Variants in SQLE observed in about 807,000 individuals in gnomAD.
SQLE encodes squalene monooxygenase.
Under a neutral mutation model 60.7 loss-of-function variants are expected in SQLE, and 29 were observed. The observed-to-expected ratio is 0.48, with a 90% CI of 0.36 to 0.65. The LOEUF (loss-of-function observed/expected upper bound fraction) is 0.65. Ranked by LOEUF, SQLE falls within the 30% of genes least tolerant of loss-of-function variation. The pLI is 0.00. For missense variants in SQLE, 605 were observed against 684.1 expected (o/e 0.88, Z 1.29); for synonymous variants, 237 against 246.8 (o/e 0.96, Z 0.37).
rs778016052 is a variant in SQLE at position 125,018,670 on chromosome 8, T to G, written c.1387T>G (p.Ser463Ala). 1.2e-6 allele frequency: 2 copies of G among 1,606,934 alleles called. No homozygotes were observed. Among genetic ancestry groups the G allele is most frequent in the East Asian group, 4.5e-5 (2 of 44,736 alleles). The change falls in exon 9 of 11, where the codon TCC (serine) becomes GCC (alanine). Residue 463 changes from serine (S) to alanine (A), a missense_variant. By Grantham distance (99) the Ser-to-Ala change is moderately conservative. Coordinates refer to ENST00000265896, the MANE Select transcript of SQLE (RefSeq NM_003129.4). Reference sequence around the variant, plus strand: ...TTACTGGGCAAGAAAAACATCTCATTCCTTTGTCGTGAATATCCTTGCTCA... The same window carrying G: ...TTACTGGGCAAGAAAAACATCTCATGCCTTTGTCGTGAATATCCTTGCTCA... Reference protein sequence around the residue: ...SFYWARKTSHSFVVNILAQAL... With the variant: ...SFYWARKTSHAFVVNILAQAL...
At chr8:125,014,074 A>G (rs1156713) in intron 7 of SQLE, among the ~76,000 whole-genome samples, 58,298 of 151,976 alleles carry the variant, frequency 0.38, 13,187 homozygotes, top group African/African-American at 0.62. Context: ...AGGAAAGTCT[A>G]GTAAAACATA....
chr8:125,005,425 G>A, intron 2 of SQLE, 100 bp from the exon 3 acceptor site: 1 of 1,075,490 alleles, frequency 9.3e-7, no homozygotes, highest in Non-Finnish European at 1.3e-6. Context: ...AGATTTGAAG[G>A]CAGAGACTCA....
intron 6 of SQLE, among the ~76,000 whole-genome samples, chr8:125,009,793 C>CAA (rs924370701): frequency 8.7e-6 from 1 of 115,310 alleles, no homozygotes. Context: ...AACTCCGTCT[C>CAA]AAAAAAAAAA....
chr8:125,011,739 C>G, intron 7 of SQLE, 107 bp downstream of exon 7: 1 of 989,116 alleles, frequency 1.0e-6, no homozygotes, highest in Admixed American at 2.3e-5. Context: ...TAGTTTGTCA[C>G]TGTGGATTAG....
chr8:125,018,832 A>C, intron 9 of SQLE, 105 bp downstream of exon 9: 1 of 764,474 alleles, frequency 1.3e-6, no homozygotes, highest in Non-Finnish European at 2.1e-6. Flanking sequence ...ATGTTACCTG[A>C]GTTTGCTAAC....
Position 125,021,955 on chromosome 8 carries a change from G to A in SQLE, c.*10G>A, listed in dbSNP as rs760927090. 3 of 1,565,516 alleles carry A rather than the reference G, an allele frequency of 1.9e-6. No individual in the cohort carries two copies. In the East Asian group the frequency reaches 6.8e-5, roughly 36 times the overall value. ...GTATATGGTTCATTAAGCTTAAAGGGGAACCATTTGTGAATGAATATTTGG... is the reference window on the plus strand; with the variant it reads ...GTATATGGTTCATTAAGCTTAAAGGAGAACCATTTGTGAATGAATATTTGG... On this transcript the variant is annotated 3_prime_UTR_variant, in exon 11 of 11. Transcript: ENST00000265896.
chr8:125,002,628 G>T (rs1296670648), intron 1 of SQLE, among the ~76,000 whole-genome samples: 1 of 152,180 alleles, frequency 6.6e-6, no homozygotes, highest in African/African-American at 2.4e-5. Context: ...AGTGATCCGA[G>T]ATTGCGCCAT....
At chr8:125,001,449 G>GGT (rs57946751) in intron 1 of SQLE, among the ~76,000 whole-genome samples, 32,849 of 136,786 alleles carry the variant, frequency 0.24, 3,669 homozygotes, top group Non-Finnish European at 0.26. Context: ...CTCCTTTCAG[G>GGT]GTGTGTGTGT....
chr8:125,005,550 G>T lies in SQLE; in HGVS notation c.570G>T (p.Gln190His). 6.2e-7 allele frequency: 1 copy of T among 1,605,786 alleles called. No individual in the cohort carries two copies. The highest frequency in any genetic ancestry group is 8.5e-7 in the Non-Finnish European group (1 of 1,174,898). ...LGDTVEGLDA[Q>H]VVNGYMIHDQ... ...ATACAGTGGAAGGTCTTGATGCCCA[G>T]GTTGTAAATGGTTACATGATTCATG... The change falls in exon 3 of 11, where the codon CAG becomes CAT. Residue 190 changes from glutamine to histidine, a missense_variant. Physicochemically the swap from Gln to His is conservative, Grantham distance 24. Transcript: ENST00000265896.
intron 6 of SQLE, 89 bp from the exon 7 acceptor site, chr8:125,011,448 C>T: frequency 2.1e-6 from 2 of 947,710 alleles, no homozygotes; most frequent in Admixed American, 4.6e-5. Context: ...GTATAGTAGG[C>T]ATTTGTTTAT....
At chr8:125,012,160 T>C (rs776322482) in intron 7 of SQLE, among the ~76,000 whole-genome samples, 4 of 152,150 alleles carry the variant, frequency 2.6e-5, no homozygotes, top group Admixed American at 6.5e-5. Flanking sequence ...CAGTTTCCTA[T>C]GGCAGGAGCA....
chr8:125,007,634 T>C, intron 4 of SQLE, 147 bp downstream of exon 4: 1 of 518,670 alleles, frequency 1.9e-6, no homozygotes, highest in Non-Finnish European at 3.3e-6. Context: ...TCAGATTTTT[T>C]ATTTTTTTCA....
Position 125,021,983 on chromosome 8 carries a change from C to G in SQLE, c.*38C>G, listed in dbSNP as rs1275862793. ...ACCATTTGTGAATGAATATTTGGAACTTACCAAGTCCTAAGAGACTTTTGG... is the reference window on the plus strand; with the variant it reads ...ACCATTTGTGAATGAATATTTGGAAGTTACCAAGTCCTAAGAGACTTTTGG... On this transcript the variant is annotated 3_prime_UTR_variant, in exon 11 of 11. Coordinates refer to ENST00000265896, the MANE Select transcript of SQLE (RefSeq NM_003129.4). The G allele has an allele frequency of 6.7e-7, 1 of 1,494,212 alleles. No individual in the cohort carries two copies. Among genetic ancestry groups the G allele is most frequent in the Admixed American group, 2.0e-5 (1 of 49,436 alleles). 92.6% of individuals were successfully genotyped at this position (1,494,212 alleles called of 1,614,324 possible). A position where few individuals can be genotyped will look rare whatever the true frequency, so the allele number is the denominator to read the frequency against.
Position 125,003,217 on chromosome 8 carries a change from A to G in SQLE, c.333A>G (p.Gly111=). Residue 111 remains glycine (G), a synonymous_variant, in exon 2 of 11, where the codon GGA becomes GGG. Coordinates refer to ENST00000265896, the MANE Select transcript of SQLE (RefSeq NM_003129.4). Reference sequence around the variant, plus strand: ...ATATTTCAGAAACAAGCTTAATAGGAACAGCTGCCTGTACATCAACATCTT... The same window carrying G: ...ATATTTCAGAAACAAGCTTAATAGGGACAGCTGCCTGTACATCAACATCTT... ...GTNISETSLI[G]TAACTSTSSQ... is the part of the protein sequence containing the mutation. The G allele has an allele frequency of 6.2e-7, 1 of 1,613,810 alleles. No individual in the cohort carries two copies. The highest frequency in any genetic ancestry group is 8.5e-7 in the Non-Finnish European group (1 of 1,179,846).
At chr8:125,007,308 A>G in intron 3 of SQLE, 83 bp from the exon 4 acceptor site, 2 of 1,038,144 alleles carry the variant, frequency 1.9e-6, no homozygotes, top group Middle Eastern at 3.1e-4. Flanking sequence ...GTTTATATGG[A>G]TAAACTGGAG....
At chr8:125,017,835 T>G in intron 7 of SQLE, 1 of 540,022 alleles carries the variant, frequency 1.9e-6, no homozygotes, top group Non-Finnish European at 3.3e-6. Context: ...ACACTCTTGT[T>G]ATTACCATAT....
Position 125,013,034 on chromosome 8 carries a change from A to G in SQLE, c.1204+1402A>G, listed in dbSNP as rs145042291. The stretch of plus-strand genomic sequence containing the variant: ...ATGTTGAACATCTTTTCATATGCAT[A>G]TAGGCCATTTGTTGTTTGGAGAAAT... On this transcript the variant is annotated intron_variant, in intron 7 of 10. Coordinates refer to ENST00000265896, the MANE Select transcript of SQLE (RefSeq NM_003129.4). Among the ~76,000 whole-genome samples the G allele has an allele frequency of 2.6e-3, 403 of 152,330 alleles. 3 individuals carry two copies. Among genetic ancestry groups the G allele is most frequent in the African/African-American group, 9.3e-3 (388 of 41,578 alleles).
chr8:125,011,864 G>A lies in SQLE; in HGVS notation c.1204+232G>A, dbSNP rs558971502. 7.9e-4 allele frequency among the ~76,000 whole-genome samples: 119 copies of A among 151,198 alleles called. 2 individuals carry two copies. The highest frequency in any genetic ancestry group is 2.5e-3 in the African/African-American group (104 of 40,972). Reference sequence around the variant, plus strand: ...GGTAAAAAACTGACCTTGACCTAGAGAAGGCAATTTTCTACTTAGGAATGT... The same window carrying A: ...GGTAAAAAACTGACCTTGACCTAGAAAAGGCAATTTTCTACTTAGGAATGT... On this transcript the variant is annotated intron_variant, in intron 7 of 10. Transcript: ENST00000265896.
Position 125,009,346 on chromosome 8 carries a change from A to G in SQLE, c.1108+3A>G. On this transcript the variant is annotated splice_donor_region_variant and intron_variant, in intron 6 of 10. Coordinates refer to ENST00000265896, the MANE Select transcript of SQLE (RefSeq NM_003129.4). ...AAAAATTTACCCACAAATACCTGGT[A>G]AGAAATAGCATCTTCAGTTCTTACA... The G allele has an allele frequency of 6.2e-7, 1 of 1,608,542 alleles. No individual in the cohort carries two copies. The highest frequency in any genetic ancestry group is 8.5e-7 in the Non-Finnish European group (1 of 1,177,468).
Sources: allele counts gnomAD v4.1 joint callset (sites outside exome capture counted in the v4.1 genomes callset), GRCh38; gene constraint gnomAD v4.1.1; transcripts MANE v1.5; gene names NCBI Gene and HGNC (gene_info 2026-07-23, HGNC 2026-07-21).